Variants in PREX2 observed in about 807,000 individuals in gnomAD.
The protein encoded by PREX2 is phosphatidylinositol 3,4,5-trisphosphate-dependent Rac exchanger 2 protein.
Under a neutral mutation model 203.2 loss-of-function variants are expected in PREX2, and 107 were observed. That is an observed-to-expected ratio of 0.53 (90% CI 0.45 to 0.62). The LOEUF (loss-of-function observed/expected upper bound fraction) is 0.62. PREX2 is among the 20% of genes least tolerant of loss of function. PREX2 has a pLI of 0.00. For missense variants in PREX2, 1,777 were observed against 1,955.9 expected (o/e 0.91, Z 1.72); for synonymous variants, 672 against 663.6 (o/e 1.01, Z -0.19).
In PREX2 at chr8:68,069,187, C is replaced by T. The variant is rs749061790; in HGVS notation, c.1443+51C>T. On this transcript the variant is annotated intron_variant, in intron 12 of 39. Coordinates refer to ENST00000288368, the MANE Select transcript of PREX2 (RefSeq NM_024870.4). ...CAATAGTAGAATGCATGTTGTCATT[C>T]TTCAGAAGATAAAAGGTAGTTGAGA... The T allele has an allele frequency of 3.4e-6, 3 of 873,586 alleles. No individual in the cohort carries two copies. The South Asian group carries it at 4.9e-5, about 14-fold the overall frequency. 54.1% of individuals were successfully genotyped at this position (873,586 alleles called of 1,614,324 possible). A position where few individuals can be genotyped will look rare whatever the true frequency, so the allele number is the denominator to read the frequency against.
rs535902535 is a variant in PREX2 at position 68,093,683 on chromosome 8, G to A, written c.2329G>A (p.Gly777Arg). The A allele has an allele frequency of 3.0e-5, 48 of 1,609,446 alleles. 2 individuals carry two copies. In the South Asian group the frequency reaches 4.4e-4, roughly 15 times the overall value. The change falls in exon 21 of 40, where the codon GGA becomes AGA. Residue 777 changes from glycine (G) to arginine (R), a missense_variant. By Grantham distance (125) the Gly-to-Arg change is moderately radical. Transcript: ENST00000288368. ...TCAAAAATCTCACTCCAAGCCCCCT[G>A]GAGATGAAGCAGGGGATGCTTTTGA... is the stretch of plus-strand genomic sequence containing the variant. ...DLQKSHSKPPGDEAGDAFDCK... is the reference protein window; with the variant it reads ...DLQKSHSKPPRDEAGDAFDCK...
intron 30 of PREX2, among the ~76,000 whole-genome samples, chr8:68,126,511 A>G (rs1383147575): frequency 6.6e-6 from 1 of 152,024 alleles, no homozygotes; most frequent in African/African-American, 2.4e-5. Flanking sequence ...CTGCCTCTGA[A>G]ATCCTTTTCT....
intron 1 of PREX2, among the ~76,000 whole-genome samples, chr8:67,957,408 G>T (rs1289578280): frequency 2.6e-5 from 4 of 152,098 alleles, no homozygotes. Flanking sequence ...TGTGCTCCCT[G>T]GAGCTCCAGA....
chr8:68,028,580 A>G (rs1807797412), intron 5 of PREX2, among the ~76,000 whole-genome samples: 1 of 152,096 alleles, frequency 6.6e-6, no homozygotes, highest in Non-Finnish European at 1.5e-5. Context: ...ATAAGAGTCT[A>G]GCATTGCTTG....
chr8:68,184,938 T>C (rs144762180), intron 35 of PREX2, among the ~76,000 whole-genome samples: 1 of 152,316 alleles, frequency 6.6e-6, no homozygotes, highest in African/African-American at 2.4e-5. Flanking sequence ...GGATTCTCAT[T>C]ACTTACCCAT....
chr8:68,059,681 A>G (rs556567404), intron 10 of PREX2, among the ~76,000 whole-genome samples: 34 of 152,300 alleles, frequency 2.2e-4, no homozygotes, highest in African/African-American at 7.9e-4. Context: ...TTAGGGTTTC[A>G]CGACCCCAAA....
At chr8:68,201,326 G>C (rs1563585273) in intron 37 of PREX2, among the ~76,000 whole-genome samples, 1 of 152,000 alleles carries the variant, frequency 6.6e-6, no homozygotes, top group Non-Finnish European at 1.5e-5. Context: ...TTTGTATTAG[G>C]GTTCTCTAGA....
At chr8:68,124,133 G>A (rs1810839771) in intron 30 of PREX2, among the ~76,000 whole-genome samples, 1 of 151,922 alleles carries the variant, frequency 6.6e-6, no homozygotes, top group South Asian at 2.1e-4. Context: ...AACAAATGTG[G>A]TTCATCATAT....
intron 23 of PREX2, chr8:68,103,621 C>T (rs1258078920): frequency 1.9e-6 from 1 of 519,150 alleles, no homozygotes; most frequent in Non-Finnish European, 3.8e-6. Flanking sequence ...CAACACACTC[C>T]AGTGGGCCTC....
At position 68,185,778 on chromosome 8, in the gene PREX2, G is replaced by A. The variant is rs1021227823; in HGVS notation, c.4347-5944G>A. 4.8e-5 allele frequency among the ~76,000 whole-genome samples: 6 copies of A among 126,140 alleles called. 1 individual carries two copies. The highest frequency in any genetic ancestry group is 9.5e-5 in the African/African-American group (3 of 31,602). 82.8% of individuals were successfully genotyped at this position (126,140 alleles called of 152,430 possible). A position where few individuals can be genotyped will look rare whatever the true frequency, so the allele number is the denominator to read the frequency against. ...ATTTTACATGGCAGAGTTAACTGACGAAGTTATGACAGTGAGGCCTGCTGT... is the reference window on the plus strand; with the variant it reads ...ATTTTACATGGCAGAGTTAACTGACAAAGTTATGACAGTGAGGCCTGCTGT... On this transcript the variant is annotated intron_variant, in intron 35 of 39. Transcript: ENST00000288368.
chr8:68,155,766 C>T (rs1251117584), intron 34 of PREX2, among the ~76,000 whole-genome samples: 4 of 152,084 alleles, frequency 2.6e-5, no homozygotes, highest in African/African-American at 9.7e-5. Flanking sequence ...ATATCTGGGC[C>T]CTTGTCCTGT....
Position 68,087,756 on chromosome 8 carries a change from T to G in PREX2, c.2060T>G (p.Leu687Arg). ...TVKIPDSADGLGFQIRGFGPS... is the reference protein window; with the variant it reads ...TVKIPDSADGRGFQIRGFGPS... ...AAAATTCCAGATTCAGCTGATGGAC[T>G]TGGCTTCCAGATCCGGGGATTTGGC... is the stretch of plus-strand genomic sequence containing the variant. The change falls in exon 19 of 40, where the codon CTT becomes CGT. Residue 687 changes from leucine (L) to arginine (R), a missense_variant. Coordinates refer to ENST00000288368, the MANE Select transcript of PREX2 (RefSeq NM_024870.4). The G allele has an allele frequency of 6.2e-7, 1 of 1,613,934 alleles. No homozygotes were observed. The highest frequency in any genetic ancestry group is 8.5e-7 in the Non-Finnish European group (1 of 1,179,816).
chr8:68,076,853 T>C (rs1057227927), intron 14 of PREX2, among the ~76,000 whole-genome samples: 6 of 148,724 alleles, frequency 4.0e-5, no homozygotes, highest in African/African-American at 1.5e-4. Flanking sequence ...TTTTTTTTTT[T>C]GGCAAAATAA....
At position 68,044,521 on chromosome 8, in the gene PREX2, C is replaced by T; in HGVS notation, c.874C>T (p.His292Tyr). ...GAACAGCAAGGCATCTACAGATGGA[C>T]ATCGGTACCTTTTTCGTGGCCGGAT... ...LKNSKASTDGHRYLFRGRINT... is the reference protein window; with the variant it reads ...LKNSKASTDGYRYLFRGRINT... Residue 292 changes from histidine (H) to tyrosine (Y), a missense_variant, in exon 8 of 40, where the codon CAT (histidine) becomes TAT (tyrosine). His to Tyr is a moderately conservative substitution (Grantham distance 83). Transcript: ENST00000288368. 1.2e-6 allele frequency: 2 copies of T among 1,612,572 alleles called. No homozygotes were observed. The highest frequency in any genetic ancestry group is 1.7e-6 in the Non-Finnish European group (2 of 1,179,046).
intron 37 of PREX2, 75 bp downstream of exon 37, chr8:68,192,600 C>A: frequency 8.1e-7 from 1 of 1,228,090 alleles, no homozygotes; most frequent in South Asian, 1.6e-5. Flanking sequence ...TACATTTTGG[C>A]TTCACAAAAT....
chr8:68,046,268 T>C (rs906570914), intron 8 of PREX2, among the ~76,000 whole-genome samples: 7 of 152,048 alleles, frequency 4.6e-5, no homozygotes, highest in Admixed American at 4.6e-4. Flanking sequence ...GCATTGGTGA[T>C]CTGACTGAGT....
intron 20 of PREX2, 145 bp from the exon 21 acceptor site, chr8:68,093,460 T>C (rs954200650): frequency 9.8e-6 from 5 of 509,238 alleles, no homozygotes; most frequent in Non-Finnish European, 1.8e-5. Flanking sequence ...GAGTTTTTAT[T>C]AGTTTCTGAT....
intron 35 of PREX2, among the ~76,000 whole-genome samples, chr8:68,185,286 T>TACAAA (rs200314255): frequency 0.012 from 1,851 of 152,270 alleles, 29 homozygotes; most frequent in African/African-American, 0.041. Context: ...GATATTTAAT[T>TACAAA]TCCTTATAAT....
At chr8:68,001,168 TAGG>T (rs1375623428) in intron 1 of PREX2, among the ~76,000 whole-genome samples, 1 of 152,090 alleles carries the variant, frequency 6.6e-6, no homozygotes, top group Admixed American at 6.6e-5. Flanking sequence ...ACGTACCCAA[TAGG>T]AGAAAATATT....
Sources: allele counts gnomAD v4.1 joint callset (sites outside exome capture counted in the v4.1 genomes callset), GRCh38; gene constraint gnomAD v4.1.1; transcripts MANE v1.5; gene names NCBI Gene and HGNC (gene_info 2026-07-23, HGNC 2026-07-21).